Variants in DCK observed in about 807,000 individuals in gnomAD.
The protein encoded by DCK is deoxyadenosine kinase.
In DCK, 23 loss-of-function variants were observed where a neutral mutation model predicts 38.3. That is an observed-to-expected ratio of 0.60 (90% CI 0.43 to 0.85). The LOEUF (loss-of-function observed/expected upper bound fraction) is 0.85, where lower values mean the gene tolerates loss of function less well. Among genes scored for constraint, DCK ranks in the 40% least tolerant of loss-of-function variants. The probability of loss-of-function intolerance (pLI) is 0.00; values close to 1 mark genes in which losing one functional copy is unlikely to be tolerated. For missense variants in DCK, 259 were observed against 304.4 expected, an observed-to-expected ratio of 0.85 and a Z score of 1.11; for synonymous variants, 108 against 100.6, an observed-to-expected ratio of 1.07 and a Z score of -0.44.
chr4:71,016,064 T>C (rs2148917083), intron 2 of DCK, among the ~76,000 whole-genome samples: 1 of 152,354 alleles, frequency 6.6e-6, no homozygotes. Context: ...CTCCTTAAGC[T>C]GATAAGCAAC....
intron 6 of DCK, among the ~76,000 whole-genome samples, chr4:71,027,911 C>G (rs1483585940): frequency 6.6e-6 from 1 of 152,168 alleles, no homozygotes; most frequent in African/African-American, 2.4e-5. Flanking sequence ...GACTAAGAAT[C>G]ATTTCACATT....
At chr4:71,001,430 A>G (rs970511060) in intron 2 of DCK, among the ~76,000 whole-genome samples, 5 of 152,014 alleles carry the variant, frequency 3.3e-5, no homozygotes, top group African/African-American at 1.2e-4. Flanking sequence ...TTCATCAGGG[A>G]TATTGGCCTG....
At chr4:71,001,906 C>G (rs1301748667) in intron 2 of DCK, among the ~76,000 whole-genome samples, 3 of 152,120 alleles carry the variant, frequency 2.0e-5, no homozygotes, top group Non-Finnish European at 4.4e-5. Context: ...TTTTGTTAAT[C>G]TTTTCGAAGA....
chr4:71,012,563 C>T (rs1229018719), intron 2 of DCK, among the ~76,000 whole-genome samples: 7 of 152,208 alleles, frequency 4.6e-5, no homozygotes, highest in East Asian at 1.9e-4. Flanking sequence ...CCCTCTGAGA[C>T]GAAGCTTCCA....
intron 2 of DCK, among the ~76,000 whole-genome samples, chr4:71,002,533 T>G (rs1400347738): frequency 6.6e-6 from 1 of 152,146 alleles, no homozygotes; most frequent in African/African-American, 2.4e-5. Flanking sequence ...ATTTTCTGTC[T>G]TGTTGATCTA....
At chr4:70,999,728 A>T (rs564378535) in intron 2 of DCK, among the ~76,000 whole-genome samples, 2 of 152,242 alleles carry the variant, frequency 1.3e-5, no homozygotes, top group African/African-American at 4.8e-5. Flanking sequence ...CTGGTGTGAG[A>T]TGGTATCTCA....
intron 1 of DCK, 42 bp from the exon 2 acceptor site, chr4:70,998,025 C>T: frequency 9.3e-7 from 1 of 1,076,210 alleles, no homozygotes; most frequent in South Asian, 1.5e-5. Context: ...TCTTTTTTTC[C>T]TGACAACTTT....
chr4:71,021,852 A>G (rs1463482555), intron 2 of DCK, among the ~76,000 whole-genome samples: 1 of 152,200 alleles, frequency 6.6e-6, no homozygotes, highest in Non-Finnish European at 1.5e-5. Flanking sequence ...AATGTAAAAA[A>G]TTAGTTGGGC....
chr4:71,006,083 G>A (rs1220724755), intron 2 of DCK, among the ~76,000 whole-genome samples: 2 of 124,036 alleles, frequency 1.6e-5, no homozygotes, highest in Non-Finnish European at 3.1e-5. Flanking sequence ...CCGAGATCGC[G>A]CCATTGCACT....
rs1473184114 is a variant in DCK, at chr4:71,030,082, T to A, written c.*704T>A. On this transcript the variant is annotated 3_prime_UTR_variant, in exon 7 of 7. Coordinates refer to ENST00000286648, the MANE Select transcript of DCK (RefSeq NM_000788.3). Reference sequence around the variant, plus strand: ...GGTTCTGCTTTTAAGTTTTTCTCTTTTTCAGACAAATTACTGATAAAAATG... The same window carrying A: ...GGTTCTGCTTTTAAGTTTTTCTCTTATTCAGACAAATTACTGATAAAAATG... 2.6e-5 allele frequency: 4 copies of A among 152,620 alleles called. No homozygotes were observed. Among genetic ancestry groups the A allele is most frequent in the Admixed American group, 6.5e-5 (1 of 15,272 alleles). 9.5% of individuals were successfully genotyped at this position (152,620 alleles called of 1,614,324 possible). A position where few individuals can be genotyped will look rare whatever the true frequency, so the allele number is the denominator to read the frequency against.
At chr4:71,016,277 C>T (rs1159978567) in intron 2 of DCK, among the ~76,000 whole-genome samples, 2 of 152,054 alleles carry the variant, frequency 1.3e-5, no homozygotes, top group South Asian at 4.2e-4. Flanking sequence ...CTCAATGAAA[C>T]AAAAGAGGAC....
intron 2 of DCK, among the ~76,000 whole-genome samples, chr4:71,009,476 A>G (rs77951586): frequency 0.022 from 3,338 of 152,270 alleles, 130 homozygotes; most frequent in African/African-American, 0.075. Flanking sequence ...TCATTTTAAG[A>G]CTTAATGGCT....
chr4:70,994,054 G>T, intron 1 of DCK, 128 bp downstream of exon 1: 1 of 733,048 alleles, frequency 1.4e-6, no homozygotes, highest in South Asian at 1.6e-5. Flanking sequence ...GTGTGGACGC[G>T]GCCTCGGCTT....
intron 1 of DCK, 137 bp from the exon 2 acceptor site, chr4:70,997,930 A>G (rs1739696117): frequency 4.2e-6 from 2 of 476,404 alleles, no homozygotes; most frequent in Admixed American, 8.0e-5. Context: ...AGAAATATGA[A>G]GAGAAAGTTT....
At chr4:71,018,666 ATTTTT>A (rs11315015) in intron 2 of DCK, among the ~76,000 whole-genome samples, 1 of 83,316 alleles carries the variant, frequency 1.2e-5, no homozygotes. Context: ...TATTTTTTAG[ATTTTT>A]TTTTTTTTTT....
chr4:71,025,956 T>G, intron 5 of DCK, 25 bp downstream of exon 5: 1 of 1,555,080 alleles, frequency 6.4e-7, no homozygotes, highest in Non-Finnish European at 8.6e-7. Flanking sequence ...TATTTACTAT[T>G]CATTTTAAAT....
At position 70,999,095 on chromosome 4, in the gene DCK, A is replaced by G. The variant is rs374364339; in HGVS notation, c.207+913A>G. Among the ~76,000 whole-genome samples the G allele has an allele frequency of 2.8e-4, 43 of 152,204 alleles. No homozygotes were observed. In the South Asian group the frequency reaches 8.7e-3, roughly 31 times the overall value. On this transcript the variant is annotated intron_variant, in intron 2 of 6. Coordinates refer to ENST00000286648, the MANE Select transcript of DCK (RefSeq NM_000788.3). ...GCAGGTTTGTTATGTAGATATACAC[A>G]TGCCATGGTGGTTTGCTGCACCCGT...
intron 2 of DCK, among the ~76,000 whole-genome samples, chr4:71,017,678 GAA>G (rs1460538268): frequency 1.3e-5 from 2 of 148,636 alleles, no homozygotes; most frequent in African/African-American, 5.0e-5. Context: ...CTGTCGCAGG[GAA>G]AAAAAACAAA....
chr4:71,018,985 A>T (rs1165597258), intron 2 of DCK, among the ~76,000 whole-genome samples: 1 of 152,094 alleles, frequency 6.6e-6, no homozygotes, highest in African/African-American at 2.4e-5. Flanking sequence ...TAAATTTTTA[A>T]TATTCTTAAC....
Sources: allele counts gnomAD v4.1 joint callset (sites outside exome capture counted in the v4.1 genomes callset), GRCh38; gene constraint gnomAD v4.1.1; transcripts MANE v1.5; gene names NCBI Gene and HGNC (gene_info 2026-07-23, HGNC 2026-07-21).